Variants in DHX57 observed in about 807,000 individuals in gnomAD.
DHX57 encodes the protein putative ATP-dependent RNA helicase DHX57.
DHX57 carries 105 observed loss-of-function variants against 156.2 expected under a neutral mutation model. The observed-to-expected ratio is 0.67, with a 90% CI of 0.57 to 0.79. The LOEUF (loss-of-function observed/expected upper bound fraction) is 0.79, where lower values mean the gene tolerates loss of function less well. DHX57 is among the 30% of genes least tolerant of loss of function. The pLI is 0.00. For synonymous variants in DHX57, 704 were observed against 595.6 expected (o/e 1.18, Z -2.65); for missense variants, 1,847 against 1,661.9 (o/e 1.11, Z -1.94).
Position 38,843,107 on chromosome 2 carries a change from C to T in DHX57, c.2323G>A (p.Glu775Lys), listed in dbSNP as rs1672096379. 6 of 1,614,210 alleles carry T rather than the reference C, an allele frequency of 3.7e-6. No individual in the cohort carries two copies. The highest frequency in any genetic ancestry group is 4.5e-5 in the East Asian group (2 of 44,886). Residue 775 changes from glutamate to lysine, a missense_variant, in exon 12 of 24, where the codon GAA becomes AAA. Transcript: ENST00000457308. ...RNRTAFEEVE[E>K]DLRLSLHLQD... ...AGGTGAAGGGAGAGCCTTAGGTCTTCTTCCACTTCTTCAAATGCAGTTCTG... is the reference window on the plus strand; with the variant it reads ...AGGTGAAGGGAGAGCCTTAGGTCTTTTTCCACTTCTTCAAATGCAGTTCTG...
rs1015635422 is a variant in DHX57 at position 38,813,573 on chromosome 2, C to T, written c.3681+248G>A. On this transcript the variant is annotated intron_variant, in intron 21 of 23. Coordinates refer to ENST00000457308, the MANE Select transcript of DHX57 (RefSeq NM_198963.3). ...ATTTTTAGTAGAGATGGGGTTTCAC[C>T]GTGTTAGCCAGGATGGTCTCGATCT... Among the ~76,000 whole-genome samples, 5 of 151,968 alleles carry T rather than the reference C, an allele frequency of 3.3e-5. No individual in the cohort carries two copies. The South Asian group carries it at 6.2e-4, about 19-fold the overall frequency.
At chr2:38,853,612 T>C (rs1031447842) in intron 9 of DHX57, 1 of 152,748 alleles carries the variant, frequency 6.5e-6, no homozygotes, top group African/African-American at 2.4e-5. Context: ...GGGGGAGCCA[T>C]ACATGCTTGT....
chr2:38,868,471 G>A (rs967873585), intron 1 of DHX57, 60 bp from the exon 2 acceptor site: 21 of 1,531,494 alleles, frequency 1.4e-5, no homozygotes, highest in Non-Finnish European at 1.6e-5. Context: ...ATAATCCTTT[G>A]TTTGCCAAAC....
At chr2:38,839,779 G>A (rs1382205947) in intron 12 of DHX57, among the ~76,000 whole-genome samples, 2 of 151,912 alleles carry the variant, frequency 1.3e-5, no homozygotes, top group African/African-American at 4.8e-5. Context: ...TACCATGTTG[G>A]TCAAAAATGA....
chr2:38,820,495 G>C (rs1323871150), intron 17 of DHX57, among the ~76,000 whole-genome samples: 2 of 152,156 alleles, frequency 1.3e-5, no homozygotes, highest in African/African-American at 4.8e-5. Flanking sequence ...GGTTGGTTTA[G>C]ATGATTTGGG....
chr2:38,816,017 A>G lies in DHX57; in HGVS notation c.3472-362T>C, dbSNP rs184045509. 73 of 407,940 alleles carry G rather than the reference A, an allele frequency of 1.8e-4. No individual in the cohort carries two copies. In the East Asian group the frequency reaches 5.0e-3, roughly 28 times the overall value. 25.3% of individuals were successfully genotyped at this position (407,940 alleles called of 1,614,324 possible). A position where few individuals can be genotyped will look rare whatever the true frequency, so the allele number is the denominator to read the frequency against. Reference sequence around the variant, plus strand: ...TGCTGTTTGTTTTGACTGGAATTCCAACTCCAAGTGCTGCGGCACTGTCTA... The same window carrying G: ...TGCTGTTTGTTTTGACTGGAATTCCGACTCCAAGTGCTGCGGCACTGTCTA... On this transcript the variant is annotated intron_variant, in intron 19 of 23. Transcript: ENST00000457308.
intron 13 of DHX57, among the ~76,000 whole-genome samples, chr2:38,828,821 C>G (rs1201455898): frequency 2.0e-5 from 3 of 151,980 alleles, no homozygotes; most frequent in African/African-American, 7.2e-5. Flanking sequence ...TTTATATATT[C>G]TCTGACTTAA....
intron 13 of DHX57, among the ~76,000 whole-genome samples, chr2:38,837,035 G>C (rs1484586914): frequency 5.3e-5 from 8 of 152,066 alleles, no homozygotes; most frequent in Admixed American, 3.9e-4. Flanking sequence ...TTTTTGTAGA[G>C]ATGGGGTTTC....
intron 1 of DHX57, among the ~76,000 whole-genome samples, chr2:38,869,058 T>A (rs1665229930): frequency 1.3e-5 from 2 of 152,176 alleles, no homozygotes; most frequent in African/African-American, 2.4e-5. Context: ...CACCTCAGCA[T>A]CCCAAAGTGC....
intron 16 of DHX57, among the ~76,000 whole-genome samples, chr2:38,824,533 G>A (rs1443636762): frequency 1.3e-5 from 2 of 152,130 alleles, no homozygotes; most frequent in Non-Finnish European, 2.9e-5. Context: ...ATAAAAACTG[G>A]ACATGATTAA....
At chr2:38,826,788 G>A (rs1671109304) in intron 14 of DHX57, 99 bp from the exon 15 acceptor site, 1 of 1,318,350 alleles carries the variant, frequency 7.6e-7, no homozygotes. Context: ...ATGACTTCAG[G>A]TATTAGCAAC....
chr2:38,847,227 CAG>C (rs1213715350), intron 10 of DHX57, among the ~76,000 whole-genome samples, 154 bp from the exon 11 acceptor site: 5 of 152,168 alleles, frequency 3.3e-5, no homozygotes, highest in Non-Finnish European at 7.3e-5. Context: ...GTTCTGGTAA[CAG>C]AAATTGGAAA....
chr2:38,871,535 A>G (rs912774099), intron 1 of DHX57, among the ~76,000 whole-genome samples: 1 of 152,164 alleles, frequency 6.6e-6, no homozygotes, highest in African/African-American at 2.4e-5. Flanking sequence ...GCCACAGACT[A>G]GGTAATTTAT....
intron 19 of DHX57, 130 bp downstream of exon 19, chr2:38,818,747 T>G: frequency 9.5e-7 from 1 of 1,048,004 alleles, no homozygotes; most frequent in Middle Eastern, 2.2e-4. Flanking sequence ...TTTACACGGC[T>G]GGTAAGGCCA....
At position 38,852,689 on chromosome 2, in the gene DHX57, A is replaced by G. The variant is rs139080001; in HGVS notation, c.2030+1365T>C. On this transcript the variant is annotated intron_variant, in intron 9 of 23. Coordinates refer to ENST00000457308, the MANE Select transcript of DHX57 (RefSeq NM_198963.3). ...CTCTTCACAGGTGCAATCATAGCAC[A>G]CCACAGCCTTGCACTCCTGAACTTA... Among the ~76,000 whole-genome samples, 889 of 149,946 alleles carry G rather than the reference A, an allele frequency of 5.9e-3. 13 individuals carry two copies. The highest frequency in any genetic ancestry group is 0.021 in the African/African-American group (849 of 40,672).
intron 15 of DHX57, among the ~76,000 whole-genome samples, chr2:38,826,314 C>T (rs1239874954): frequency 6.6e-6 from 1 of 152,198 alleles, no homozygotes; most frequent in Non-Finnish European, 1.5e-5. Context: ...AGAGAAAAAG[C>T]AATTCATTAC....
intron 21 of DHX57, chr2:38,810,768 T>C: frequency 1.2e-6 from 1 of 817,802 alleles, no homozygotes; most frequent in Non-Finnish European, 2.1e-6. Flanking sequence ...GCACTTCCTG[T>C]TCCATGGCAA....
intron 1 of DHX57, among the ~76,000 whole-genome samples, chr2:38,873,889 A>G (rs947882004): frequency 2.0e-5 from 3 of 152,160 alleles, no homozygotes; most frequent in African/African-American, 7.2e-5. Context: ...GAGATTTTAA[A>G]GGACATCCGG....
At chr2:38,846,489 T>C (rs1177064176) in intron 11 of DHX57, among the ~76,000 whole-genome samples, 1 of 151,030 alleles carries the variant, frequency 6.6e-6, no homozygotes, top group East Asian at 2.0e-4. Flanking sequence ...CATGGGGGTG[T>C]GTGTCTGTAG....
Sources: gnomAD v4.1 joint callset for allele counts (sites outside exome capture counted in the v4.1 genomes callset) on GRCh38, gnomAD v4.1.1 for gene constraint, MANE v1.5 for transcripts, NCBI Gene and HGNC (gene_info 2026-07-23, HGNC 2026-07-21) for gene names.